The following NELL1 variants were observed in gnomAD, a reference collection of about 807,000 sequenced individuals.
The protein encoded by NELL1 is protein kinase C-binding protein NELL1.
In NELL1, 76 loss-of-function variants were observed where a neutral mutation model predicts 107.4. The observed-to-expected ratio is 0.71, with a 90% CI of 0.59 to 0.86. The LOEUF is 0.86. NELL1 is among the 40% of genes least tolerant of loss of function. The pLI is 0.00. For synonymous variants in NELL1, 353 were observed against 341.2 expected, an observed-to-expected ratio of 1.03 and a Z score of -0.38; for missense variants, 1,024 against 1,005.5, an observed-to-expected ratio of 1.02 and a Z score of -0.25.
rs541321546 is a variant in NELL1, at chr11:20,956,645, CAAA to C, written c.1172-3771_1172-3769del. Among the ~76,000 whole-genome samples the C allele has an allele frequency of 2.9e-3, 262 of 89,450 alleles. 1 individual carries two copies. The highest frequency in any genetic ancestry group is 9.8e-3 in the African/African-American group (249 of 25,504). 58.7% of individuals were successfully genotyped at this position (89,450 alleles called of 152,430 possible). A position where few individuals can be genotyped will look rare whatever the true frequency, so the allele number is the denominator to read the frequency against. ...TGGGCAACAGAGCGAGACTCCATCTCAAAAAAAAAAAAAAAAAATTACTAATCT... is the reference window on the plus strand; with the variant it reads ...TGGGCAACAGAGCGAGACTCCATCTCAAAAAAAAAAAAAAATTACTAATCT... On this transcript the variant is annotated intron_variant, in intron 11 of 19. Transcript: ENST00000357134.
At chr11:21,404,039 C>T (rs902064431) in intron 15 of NELL1, among the ~76,000 whole-genome samples, 11 of 104,710 alleles carry the variant, frequency 1.1e-4, no homozygotes, top group Non-Finnish European at 1.8e-4. Flanking sequence ...ACTGGATATT[C>T]CCCCCGCCAC....
At chr11:20,677,640 T>C (rs1206480425) in intron 1 of NELL1, among the ~76,000 whole-genome samples, 2 of 152,206 alleles carry the variant, frequency 1.3e-5, no homozygotes, top group Admixed American at 6.5e-5. Flanking sequence ...CCATATTACC[T>C]TTCTAACACA....
intron 2 of NELL1, among the ~76,000 whole-genome samples, chr11:20,777,697 T>C (rs1158241929): frequency 6.6e-6 from 1 of 152,252 alleles, no homozygotes; most frequent in Non-Finnish European, 1.5e-5. Context: ...TATGTGGCAC[T>C]CAGGCTAGAA....
chr11:21,216,539 C>T (rs1431726314), intron 13 of NELL1, among the ~76,000 whole-genome samples: 1 of 152,216 alleles, frequency 6.6e-6, no homozygotes, highest in African/African-American at 2.4e-5. Flanking sequence ...GCTGGAGCTG[C>T]TCAACACCAT....
At chr11:21,081,018 A>C (rs1854255242) in intron 12 of NELL1, among the ~76,000 whole-genome samples, 1 of 151,950 alleles carries the variant, frequency 6.6e-6, no homozygotes, top group African/African-American at 2.4e-5. Context: ...CCTCCCATCC[A>C]TATGACCTTT....
chr11:21,314,489 T>C (rs1435017782), intron 14 of NELL1, among the ~76,000 whole-genome samples: 4 of 152,122 alleles, frequency 2.6e-5, no homozygotes, highest in Non-Finnish European at 5.9e-5. Flanking sequence ...TAGCATAACA[T>C]CTGAGACACA....
At chr11:21,186,541 C>A (rs752583746) in intron 13 of NELL1, among the ~76,000 whole-genome samples, 1 of 151,852 alleles carries the variant, frequency 6.6e-6, no homozygotes, top group Non-Finnish European at 1.5e-5. Context: ...CATCTCTGGA[C>A]CCTCTCCAAG....
chr11:21,440,706 T>C (rs1184504487), intron 15 of NELL1, among the ~76,000 whole-genome samples: 1 of 152,100 alleles, frequency 6.6e-6, no homozygotes, highest in Admixed American at 6.6e-5. Flanking sequence ...GCTGAAGAAT[T>C]CGTGTGCTAA....
At chr11:21,091,661 C>T (rs963225441) in intron 12 of NELL1, among the ~76,000 whole-genome samples, 7 of 151,996 alleles carry the variant, frequency 4.6e-5, no homozygotes, top group African/African-American at 1.7e-4. Context: ...AATTATTTGT[C>T]CTTAGTCATT....
intron 3 of NELL1, among the ~76,000 whole-genome samples, chr11:20,789,851 C>T (rs1219250266): frequency 1.3e-5 from 2 of 152,152 alleles, no homozygotes; most frequent in African/African-American, 4.8e-5. Context: ...GTCTCTGCAG[C>T]TCTCAGCAGA....
In NELL1 at chr11:20,915,700, G is replaced by GATATAT. The variant is rs369114547; in HGVS notation, c.604-2469_604-2464dup. 2.8e-3 allele frequency among the ~76,000 whole-genome samples: 83 copies of GATATAT among 29,450 alleles called. 4 individuals carry two copies. Among genetic ancestry groups the GATATAT allele is most frequent in the Middle Eastern group, 0.034 (2 of 58 alleles). 19.3% of individuals were successfully genotyped at this position (29,450 alleles called of 152,430 possible). On this transcript the variant is annotated intron_variant, in intron 5 of 19. Transcript: ENST00000357134. ...TTCATCTGTGGAAATCCTCATAGAT[G>GATATAT]ATATATATATATATATATTTTTTTT...
chr11:21,057,372 C>T (rs2134356837), intron 12 of NELL1, among the ~76,000 whole-genome samples: 1 of 152,058 alleles, frequency 6.6e-6, no homozygotes, highest in South Asian at 2.1e-4. Context: ...ATGGGAACTA[C>T]TTTTTTTACC....
chr11:21,042,676 C>T (rs564109540), intron 12 of NELL1, among the ~76,000 whole-genome samples: 2 of 152,178 alleles, frequency 1.3e-5, no homozygotes, highest in Non-Finnish European at 2.9e-5. Flanking sequence ...CTTGTCATCT[C>T]TTGGTGGTGA....
intron 4 of NELL1, among the ~76,000 whole-genome samples, chr11:20,873,534 CT>C (rs1310175308): frequency 6.6e-6 from 1 of 152,186 alleles, no homozygotes; most frequent in Non-Finnish European, 1.5e-5. Context: ...TTACAAAGTA[CT>C]TTTACAGAGC....
At chr11:21,146,150 A>T (rs936852481) in intron 13 of NELL1, among the ~76,000 whole-genome samples, 2 of 152,144 alleles carry the variant, frequency 1.3e-5, no homozygotes, top group Admixed American at 1.3e-4. Context: ...TGTGTATAAA[A>T]TCTTCTGTGT....
rs538149975 is a variant in NELL1, at chr11:20,761,117, G to T, written c.185-22563G>T. Reference sequence around the variant, plus strand: ...GAGAGTGTGTTTGAGGTTGTGAGGTGGTGGAGGAGGAAGAATTTTATTTTG... The same window carrying T: ...GAGAGTGTGTTTGAGGTTGTGAGGTTGTGGAGGAGGAAGAATTTTATTTTG... On this transcript the variant is annotated intron_variant, in intron 2 of 19. Coordinates refer to ENST00000357134, the MANE Select transcript of NELL1 (RefSeq NM_006157.5). 2.0e-5 allele frequency among the ~76,000 whole-genome samples: 3 copies of T among 152,334 alleles called. No homozygotes were observed. In the South Asian group the frequency reaches 6.2e-4, roughly 32 times the overall value.
intron 15 of NELL1, among the ~76,000 whole-genome samples, chr11:21,415,202 C>T (rs909354997): frequency 6.6e-6 from 1 of 152,072 alleles, no homozygotes; most frequent in Admixed American, 6.6e-5. Context: ...TTCACCTTCC[C>T]CTGCTCTTGC....
At chr11:21,573,780 G>A (rs1246490103) in intron 19 of NELL1, among the ~76,000 whole-genome samples, 1 of 151,558 alleles carries the variant, frequency 6.6e-6, no homozygotes, top group Non-Finnish European at 1.5e-5. Context: ...AGGAAGGGAG[G>A]GAGGGAAAGA....
intron 15 of NELL1, among the ~76,000 whole-genome samples, chr11:21,441,958 T>A (rs1319917558): frequency 6.6e-6 from 1 of 152,178 alleles, no homozygotes; most frequent in Non-Finnish European, 1.5e-5. Flanking sequence ...TACTTTTAAA[T>A]GCAGCAAAAT....
Sources: allele counts gnomAD v4.1 joint callset (sites outside exome capture counted in the v4.1 genomes callset), GRCh38; gene constraint gnomAD v4.1.1; transcripts MANE v1.5; gene names NCBI Gene and HGNC (gene_info 2026-07-23, HGNC 2026-07-21).